PAPSS2: variants seen among roughly 807,000 people sequenced by gnomAD.
The protein encoded by PAPSS2 is bifunctional 3'-phosphoadenosine 5'-phosphosulfate synthase 2.
In PAPSS2, 61 loss-of-function variants were observed where a neutral mutation model predicts 66.5. The ratio of observed to expected loss-of-function variants is 0.92; its 90% confidence interval spans 0.75 to 1.14. PAPSS2 has a LOEUF of 1.14. PAPSS2 is among the 50% of genes most tolerant of loss of function. The pLI, the probability that PAPSS2 is intolerant of heterozygous loss-of-function variation, is 0.00. For missense variants in PAPSS2, 708 were observed against 789.6 expected (o/e 0.90, Z 1.24); for synonymous variants, 289 against 287.5 (o/e 1.01, Z -0.05).
intron 1 of PAPSS2, among the ~76,000 whole-genome samples, chr10:87,705,088 A>G (rs1441386920): frequency 6.6e-6 from 1 of 152,240 alleles, no homozygotes; most frequent in Admixed American, 6.5e-5. Context: ...GACATAAAGC[A>G]TTGCCATCAC....
At chr10:87,745,798 C>T (rs201763642) in intron 12 of PAPSS2, 34 bp from the exon 13 acceptor site, 1 of 1,612,552 alleles carries the variant, frequency 6.2e-7, no homozygotes, top group African/African-American at 1.3e-5. Context: ...TATCATTTAC[C>T]TACACTGAGT....
Position 87,727,408 on chromosome 10 carries a change from C to T in PAPSS2, c.1005C>T (p.Asp335=), listed in dbSNP as rs183111777. The part of the protein sequence containing the change: ...HGGRRVAILR[D]AEFYEHRKEE... ...GACGGAGGGTAGCTATCTTACGAGACGCTGAATTCTATGAACACAGAAAAG... is the reference window on the plus strand; with the variant it reads ...GACGGAGGGTAGCTATCTTACGAGATGCTGAATTCTATGAACACAGAAAAG... Residue 335 remains aspartate (D), a synonymous_variant, in exon 9 of 13, where the codon GAC becomes GAT. Coordinates refer to ENST00000456849, the MANE Select transcript of PAPSS2 (RefSeq NM_001015880.2). 21 of 1,614,028 alleles carry T rather than the reference C, an allele frequency of 1.3e-5. 1 individual carries two copies. The highest frequency in any genetic ancestry group is 6.7e-5 in the East Asian group (3 of 44,856).
intron 11 of PAPSS2, 98 bp downstream of exon 11, chr10:87,743,739 C>T: frequency 7.3e-7 from 1 of 1,360,748 alleles, no homozygotes; most frequent in Non-Finnish European, 1.0e-6. Flanking sequence ...TCTGTTTCCT[C>T]ATGAGCAGAT....
rs1294485938 is a variant in PAPSS2, at chr10:87,745,133, G to A, written c.1623G>A (p.Leu541=). ...LYEPTHGGKV[L]SMAPGLTSVE... ...AACCCACTCATGGGGGCAAGGTCTTGAGCATGGCCCCTGGCCTCACCTCTG... is the reference window on the plus strand; with the variant it reads ...AACCCACTCATGGGGGCAAGGTCTTAAGCATGGCCCCTGGCCTCACCTCTG... Residue 541 remains leucine (L), a synonymous_variant, in exon 12 of 13, where the codon TTG becomes TTA. Coordinates refer to ENST00000456849, the MANE Select transcript of PAPSS2 (RefSeq NM_001015880.2). 2 of 1,614,134 alleles carry A rather than the reference G, an allele frequency of 1.2e-6. No homozygotes were observed. Among genetic ancestry groups the A allele is most frequent in the South Asian group, 1.1e-5 (1 of 91,074 alleles).
intron 4 of PAPSS2, 136 bp downstream of exon 4, chr10:87,714,318 A>G (rs1853505174): frequency 2.3e-6 from 2 of 874,206 alleles, no homozygotes; most frequent in Non-Finnish European, 3.8e-6. Context: ...TTTTTATCAG[A>G]TCATGATATA....
Position 87,714,821 on chromosome 10 carries a change from G to T in PAPSS2, c.597G>T (p.Val199=). 1 of 1,611,952 alleles carries T rather than the reference G, an allele frequency of 6.2e-7. No homozygotes were observed. The highest frequency in any genetic ancestry group is 1.1e-5 in the South Asian group (1 of 91,002). Residue 199 remains valine (V), a synonymous_variant, in exon 5 of 13, where the codon GTG becomes GTT. Coordinates refer to ENST00000456849, the MANE Select transcript of PAPSS2 (RefSeq NM_001015880.2). ...TGCTTAAAACCAATTTGTCCACAGTGAGTGACTGTGTCCACCAGGTAGTGG... is the reference window on the plus strand; with the variant it reads ...TGCTTAAAACCAATTTGTCCACAGTTAGTGACTGTGTCCACCAGGTAGTGG... ...ERVLKTNLST[V]SDCVHQVVEL...
intron 1 of PAPSS2, among the ~76,000 whole-genome samples, chr10:87,689,608 G>T (rs532841911): frequency 6.7e-6 from 1 of 149,502 alleles, no homozygotes; most frequent in Non-Finnish European, 1.5e-5. Flanking sequence ...GGAGGTTTGC[G>T]GTGAGCCGAG....
intron 1 of PAPSS2, among the ~76,000 whole-genome samples, chr10:87,663,547 G>C (rs1852781350): frequency 6.6e-6 from 1 of 152,158 alleles, no homozygotes; most frequent in South Asian, 2.1e-4. Context: ...CCCCACAGTA[G>C]CTCTCATCTC....
rs181764410 is a variant in PAPSS2 at position 87,692,229 on chromosome 10, G to A, written c.28-16967G>A. 7.2e-4 allele frequency among the ~76,000 whole-genome samples: 110 copies of A among 152,290 alleles called. No individual in the cohort carries two copies. In the East Asian group the frequency reaches 7.7e-3, roughly 11 times the overall value. Reference sequence around the variant, plus strand: ...GGAAAAGGAGCAAAGGGTGATGATAGGAAGATGAATTCCATCTTGATCCTG... The same window carrying A: ...GGAAAAGGAGCAAAGGGTGATGATAAGAAGATGAATTCCATCTTGATCCTG... On this transcript the variant is annotated intron_variant, in intron 1 of 12. Coordinates refer to ENST00000456849, the MANE Select transcript of PAPSS2 (RefSeq NM_001015880.2).
intron 1 of PAPSS2, among the ~76,000 whole-genome samples, chr10:87,696,592 T>C (rs540841018): frequency 1.3e-5 from 2 of 152,342 alleles, no homozygotes; most frequent in Non-Finnish European, 2.9e-5. Context: ...GTCTTGTCCA[T>C]TAATTTTTCT....
Position 87,663,106 on chromosome 10 carries a change from CTTTTTTTT to C in PAPSS2, c.27+3114_27+3121del, listed in dbSNP as rs1184871976. On this transcript the variant is annotated intron_variant, in intron 1 of 12. Transcript: ENST00000456849. ...AACATTATTTTTCTAGAAGTAGCCA[CTTTTTTTT>C]TTTTTTTTTTTTTTTGAGATGGAGT... 3.1e-3 allele frequency among the ~76,000 whole-genome samples: 213 copies of C among 67,630 alleles called. 1 individual carries two copies. The highest frequency in any genetic ancestry group is 0.013 in the African/African-American group (198 of 15,358). The allele number at this position is 67,630 out of a possible 152,430, so 44.4% of individuals were successfully genotyped here.
At position 87,709,311 on chromosome 10, in the gene PAPSS2, C is replaced by G. The variant is rs121908951; in HGVS notation, c.143C>G (p.Thr48Arg). 2.0e-6 allele frequency: 3 copies of G among 1,534,106 alleles called. No individual in the cohort carries two copies. Among genetic ancestry groups the G allele is most frequent in the Non-Finnish European group, 9.0e-7 (1 of 1,116,622 alleles). The change falls in exon 2 of 13, where the codon ACA becomes AGA. Residue 48 changes from threonine to arginine, a missense_variant and splice_region_variant. By Grantham distance (71) the Thr-to-Arg change is moderately conservative. Transcript: ENST00000456849. ...TTCCGAGGATGTACCGTGTGGCTAA[C>G]AGGTATGTCATGTTCATATATATAT... Reference protein sequence around the residue: ...GGFRGCTVWLTGLSGAGKTTI... With the variant: ...GGFRGCTVWLRGLSGAGKTTI...
intron 1 of PAPSS2, among the ~76,000 whole-genome samples, chr10:87,692,185 G>A (rs1038346637): frequency 2.6e-5 from 4 of 152,192 alleles, no homozygotes; most frequent in African/African-American, 4.8e-5. Context: ...GTGGGTCATC[G>A]CTAGTGGTGA....
intron 1 of PAPSS2, among the ~76,000 whole-genome samples, chr10:87,689,289 G>A (rs1219452677): frequency 1.8e-5 from 2 of 110,380 alleles, no homozygotes; most frequent in Non-Finnish European, 4.0e-5. Flanking sequence ...GTGGTGAGCC[G>A]AGATCATGCC....
chr10:87,708,335 T>G (rs1853417859), intron 1 of PAPSS2, among the ~76,000 whole-genome samples: 1 of 152,236 alleles, frequency 6.6e-6, no homozygotes, highest in South Asian at 2.1e-4. Context: ...ACATTAACCC[T>G]TGAGAAAGTG....
chr10:87,736,263 CTTTTTT>C (rs10553485), intron 9 of PAPSS2, among the ~76,000 whole-genome samples: 34 of 103,226 alleles, frequency 3.3e-4, no homozygotes, highest in African/African-American at 9.8e-4. Context: ...TTCTTTCTTT[CTTTTTT>C]TTTTTTTTTT....
chr10:87,661,200 A>G, intron 1 of PAPSS2: 1 of 361,204 alleles, frequency 2.8e-6, no homozygotes. Flanking sequence ...GGGGCCATGC[A>G]GGGCTAGAAG....
At chr10:87,706,084 G>GTGTATATATATATATATATATATA (rs1459705587) in intron 1 of PAPSS2, among the ~76,000 whole-genome samples, 1 of 60,178 alleles carries the variant, frequency 1.7e-5, no homozygotes, top group African/African-American at 9.2e-5. Context: ...TCTTCACATG[G>GTGTATATATATATATATATATATA]TATATATATA....
chr10:87,739,901 A>G (rs1456267457), intron 9 of PAPSS2, among the ~76,000 whole-genome samples: 2 of 152,234 alleles, frequency 1.3e-5, no homozygotes, highest in African/African-American at 4.8e-5. Flanking sequence ...CCGTCTTTTT[A>G]GTATTCCATT....
Sources: allele counts gnomAD v4.1 joint callset (sites outside exome capture counted in the v4.1 genomes callset), GRCh38; gene constraint gnomAD v4.1.1; transcripts MANE v1.5; gene names NCBI Gene and HGNC (gene_info 2026-07-23, HGNC 2026-07-21).